The following PRELID2 variants were observed in gnomAD, a reference collection of about 807,000 sequenced individuals.
PRELID2 encodes PRELI domain-containing protein 2.
PRELID2 carries 25 observed loss-of-function variants against 28.4 expected under a neutral mutation model. The ratio of observed to expected loss-of-function variants is 0.88; its 90% confidence interval spans 0.64 to 1.23. The LOEUF (loss-of-function observed/expected upper bound fraction) is 1.23. Among genes scored for constraint, PRELID2 ranks in the 50% most tolerant of loss-of-function variants. The pLI is 0.00. For synonymous variants in PRELID2, 76 were observed against 71.6 expected, an observed-to-expected ratio of 1.06 and a Z score of -0.31; for missense variants, 201 against 214.4, an observed-to-expected ratio of 0.94 and a Z score of 0.39.
At chr5:145,595,432 A>T (rs1753291505) in intron 1 of PRELID2, among the ~76,000 whole-genome samples, 1 of 152,134 alleles carries the variant, frequency 6.6e-6, no homozygotes, top group Non-Finnish European at 1.5e-5. Flanking sequence ...TATCATAGAC[A>T]ATATAAATAA....
At chr5:145,424,606 G>A in the PRELID2 span, among the ~76,000 whole-genome samples, 1 of 152,136 alleles carries the variant, frequency 6.6e-6, no homozygotes, top group South Asian at 2.1e-4. Context: ...CGCGCACGGT[G>A]CGCGCACCCA....
the PRELID2 span, among the ~76,000 whole-genome samples, chr5:145,382,267 G>A: frequency 6.6e-6 from 1 of 151,918 alleles, no homozygotes; most frequent in Non-Finnish European, 1.5e-5. Flanking sequence ...AGTAACCTGT[G>A]TGAATAATGT....
chr5:145,424,468 C>T, the PRELID2 span, among the ~76,000 whole-genome samples: 23 of 152,328 alleles, frequency 1.5e-4, no homozygotes, highest in East Asian at 3.9e-4. Context: ...GTCGGAAAAG[C>T]GCAGTATTCG....
chr5:145,417,970 A>G, the PRELID2 span, among the ~76,000 whole-genome samples: 1 of 152,230 alleles, frequency 6.6e-6, no homozygotes. Context: ...TTTGCAGATG[A>G]CATGATTCTA....
intron 1 of PRELID2, among the ~76,000 whole-genome samples, chr5:145,526,256 A>C (rs1752604632): frequency 6.6e-6 from 1 of 152,242 alleles, no homozygotes; most frequent in Non-Finnish European, 1.5e-5. Flanking sequence ...GCTAAGTAGC[A>C]GAGATGGGAT....
chr5:145,549,802 GAA>G (rs34956308), intron 1 of PRELID2, among the ~76,000 whole-genome samples: 2 of 126,918 alleles, frequency 1.6e-5, no homozygotes, highest in Non-Finnish European at 1.7e-5. Context: ...CTCAAAAAAA[GAA>G]AAAAAAAAAA....
intron 5 of PRELID2, among the ~76,000 whole-genome samples, chr5:145,782,920 C>T (rs1256651048): frequency 1.3e-5 from 2 of 152,156 alleles, no homozygotes; most frequent in South Asian, 2.1e-4. Flanking sequence ...CCAGTTAAGT[C>T]TGATTTTACA....
At chr5:145,719,338 G>A (rs958721133) in intron 1 of PRELID2, among the ~76,000 whole-genome samples, 2 of 151,814 alleles carry the variant, frequency 1.3e-5, no homozygotes, top group African/African-American at 4.8e-5. Flanking sequence ...AGGACTCAAG[G>A]TGGCGGCCTC....
At chr5:145,329,159 T>C in the PRELID2 span, among the ~76,000 whole-genome samples, 8 of 152,314 alleles carry the variant, frequency 5.3e-5, no homozygotes, top group Middle Eastern at 3.4e-3. Flanking sequence ...ACCAATACCA[T>C]GGTGTTTTTG....
chr5:145,717,391 T>C (rs1755871843), intron 1 of PRELID2, among the ~76,000 whole-genome samples: 1 of 152,094 alleles, frequency 6.6e-6, no homozygotes, highest in African/African-American at 2.4e-5. Flanking sequence ...CACTCAGCTG[T>C]ACACTTTAAA....
intron 1 of PRELID2, among the ~76,000 whole-genome samples, chr5:145,657,121 G>T (rs1021839784): frequency 6.6e-6 from 1 of 151,968 alleles, no homozygotes; most frequent in Non-Finnish European, 1.5e-5. Flanking sequence ...TTTTATTACT[G>T]GACTTGCTGG....
rs998560089 is a variant in PRELID2, at chr5:145,759,836, G to A, written c.*700C>T. ...ATTTGCTTGCTCACCATCACAGAAC[G>A]AATTAGCAGAAAAGAAACTGCCTTC... On this transcript the variant is annotated 3_prime_UTR_variant, in exon 7 of 7. Coordinates refer to ENST00000683046, the MANE Select transcript of PRELID2 (RefSeq NM_205846.3). 8 of 151,944 alleles carry A rather than the reference G, an allele frequency of 5.3e-5. No homozygotes were observed. The highest frequency in any genetic ancestry group is 8.8e-5 in the Non-Finnish European group (6 of 68,004). 9.4% of individuals were successfully genotyped at this position (151,944 alleles called of 1,614,324 possible). A position where few individuals can be genotyped will look rare whatever the true frequency, so the allele number is the denominator to read the frequency against.
chr5:145,450,564 C>T, the PRELID2 span: 3 of 152,084 alleles, frequency 2.0e-5, no homozygotes, highest in South Asian at 2.1e-4. Context: ...CCACAAAATC[C>T]GCAAACTGAG....
In PRELID2 at chr5:145,585,505, T is replaced by G. The variant is rs115058243; in HGVS notation, n.71-112190A>C. Among the ~76,000 whole-genome samples the G allele has an allele frequency of 2.9e-3, 434 of 152,240 alleles. 1 individual carries two copies. The highest frequency in any genetic ancestry group is 9.9e-3 in the African/African-American group (413 of 41,546). ...ATTAATAGTTAATTTTATAGTGCTA[T>G]GGTTAGAATTACATAAGGTAATCTA... On this transcript the variant is annotated intron_variant and non_coding_transcript_variant, in intron 1 of 2. Coordinates refer to the PRELID2 transcript ENST00000510259.
In PRELID2 at chr5:145,473,659, C is replaced by T. The variant is rs115823845; in HGVS notation, n.71-344G>A. Among the ~76,000 whole-genome samples the T allele has an allele frequency of 9.2e-3, 1,392 of 152,126 alleles. 6 individuals carry two copies. Among genetic ancestry groups the T allele is most frequent in the Non-Finnish European group, 0.014 (948 of 67,990 alleles). On this transcript the variant is annotated intron_variant and non_coding_transcript_variant, in intron 1 of 2. Transcript: ENST00000510259. ...ACAGTGCAGAGTAAAATTTGGAGGGCACATGACACAGCAGCCATCTCTGTG... is the reference window on the plus strand; with the variant it reads ...ACAGTGCAGAGTAAAATTTGGAGGGTACATGACACAGCAGCCATCTCTGTG...
chr5:145,732,588 A>G (rs1756376237), intron 1 of PRELID2, among the ~76,000 whole-genome samples: 1 of 152,250 alleles, frequency 6.6e-6, no homozygotes, highest in Middle Eastern at 3.2e-3. Flanking sequence ...TTAAATAGTC[A>G]CATGAGCCTG....
intron 1 of PRELID2, among the ~76,000 whole-genome samples, chr5:145,528,231 G>A (rs2126657918): frequency 6.6e-6 from 1 of 152,230 alleles, no homozygotes; most frequent in South Asian, 2.1e-4. Context: ...GGAGAGCTAT[G>A]TGATTGTCAT....
the PRELID2 span, among the ~76,000 whole-genome samples, chr5:145,443,093 G>A: frequency 6.6e-6 from 1 of 152,006 alleles, no homozygotes; most frequent in Non-Finnish European, 1.5e-5. Context: ...TCTTGATGAT[G>A]TGAAACCTCC....
chr5:145,821,152 G>GTGTGTGTGT (rs1754761991), intron 2 of PRELID2, among the ~76,000 whole-genome samples: 4 of 88,192 alleles, frequency 4.5e-5, no homozygotes, highest in African/African-American at 1.6e-4. Flanking sequence ...AACTCTCCTG[G>GTGTGTGTGT]GTGTGTGTGT....
Sources: gnomAD v4.1 joint callset for allele counts (sites outside exome capture counted in the v4.1 genomes callset) on GRCh38, gnomAD v4.1.1 for gene constraint, MANE v1.5 for transcripts, NCBI Gene and HGNC (gene_info 2026-07-23, HGNC 2026-07-21) for gene names.